Variants in ANGPT1 observed in about 807,000 individuals in gnomAD.
ANGPT1 encodes angiopoietin-1.
A neutral mutation model predicts 62.2 loss-of-function variants in ANGPT1; 17 were observed. The ratio of observed to expected loss-of-function variants is 0.27; its 90% confidence interval spans 0.19 to 0.41. The LOEUF (loss-of-function observed/expected upper bound fraction) is 0.41. Ranked by LOEUF, ANGPT1 falls within the 10% of genes least tolerant of loss-of-function variation. ANGPT1 has a pLI of 1.00. For synonymous variants in ANGPT1, 199 were observed against 198.9 expected (o/e 1.00, Z 0.00); for missense variants, 478 against 594.9 (o/e 0.80, Z 2.04).
intron 1 of ANGPT1, among the ~76,000 whole-genome samples, chr8:107,372,150 G>A (rs1467393691): frequency 2.0e-5 from 3 of 147,426 alleles, no homozygotes; most frequent in East Asian, 2.1e-4. Flanking sequence ...GTTTCATTGT[G>A]TGTGCATGTT....
chr8:107,307,480 G>T (rs1814746183), intron 4 of ANGPT1, among the ~76,000 whole-genome samples: 1 of 151,892 alleles, frequency 6.6e-6, no homozygotes, highest in Admixed American at 6.6e-5. Context: ...CTTTATAAAT[G>T]ACCTTTATGG....
intron 1 of ANGPT1, among the ~76,000 whole-genome samples, chr8:107,385,456 C>T (rs1816714927): frequency 6.6e-6 from 1 of 151,984 alleles, no homozygotes; most frequent in Non-Finnish European, 1.5e-5. Flanking sequence ...TATACAAATG[C>T]TATTGATTTT....
chr8:107,300,989 C>T (rs1010787472), intron 5 of ANGPT1, among the ~76,000 whole-genome samples: 1 of 151,722 alleles, frequency 6.6e-6, no homozygotes, highest in African/African-American at 2.4e-5. Context: ...TTCACATTAC[C>T]AGGCGCAGTG....
chr8:107,427,768 A>G (rs1363514741), intron 1 of ANGPT1, among the ~76,000 whole-genome samples: 6 of 152,156 alleles, frequency 3.9e-5, no homozygotes, highest in Admixed American at 3.9e-4. Context: ...GGTAAGACCA[A>G]GTTCCTGTGC....
At chr8:107,258,928 T>A (rs762937024) in intron 8 of ANGPT1, among the ~76,000 whole-genome samples, 12 of 152,150 alleles carry the variant, frequency 7.9e-5, no homozygotes, top group Non-Finnish European at 1.8e-4. Context: ...CCTTTCAGAG[T>A]CTCTGCTAAC....
At chr8:107,307,277 C>A (rs1261492322) in intron 4 of ANGPT1, among the ~76,000 whole-genome samples, 1 of 152,006 alleles carries the variant, frequency 6.6e-6, no homozygotes, top group African/African-American at 2.4e-5. Context: ...GTCTCTCCAC[C>A]CATTGTCCTT....
chr8:107,309,706 GAAA>G (rs908217598), intron 4 of ANGPT1, among the ~76,000 whole-genome samples: 1 of 152,116 alleles, frequency 6.6e-6, no homozygotes, highest in Non-Finnish European at 1.5e-5. Flanking sequence ...CTTATAAATG[GAAA>G]ATGTTGAGGT....
At chr8:107,395,339 G>C (rs181197947) in intron 1 of ANGPT1, among the ~76,000 whole-genome samples, 1 of 152,128 alleles carries the variant, frequency 6.6e-6, no homozygotes, top group East Asian at 1.9e-4. Context: ...GGATCAAGTC[G>C]AGGTATTTAT....
chr8:107,479,650 G>C (rs1406799922), intron 1 of ANGPT1, among the ~76,000 whole-genome samples: 1 of 152,120 alleles, frequency 6.6e-6, no homozygotes, highest in Non-Finnish European at 1.5e-5. Flanking sequence ...AAACATGACA[G>C]GTTAAGTAGC....
Position 107,277,246 on chromosome 8 carries a change from C to A in ANGPT1, c.1205+7436G>T, listed in dbSNP as rs185432092. On this transcript the variant is annotated intron_variant, in intron 7 of 8. Transcript: ENST00000517746. Reference sequence around the variant, plus strand: ...CAACAAAATAATGAACTGTAAGGAACAAACTGTTCCCAAGATCTGAAAATA... The same window carrying A: ...CAACAAAATAATGAACTGTAAGGAAAAAACTGTTCCCAAGATCTGAAAATA... Among the ~76,000 whole-genome samples, 1,109 of 152,114 alleles carry A rather than the reference C, an allele frequency of 7.3e-3. 14 individuals carry two copies. The highest frequency in any genetic ancestry group is 0.025 in the African/African-American group (1,022 of 41,502).
intron 1 of ANGPT1, among the ~76,000 whole-genome samples, chr8:107,411,073 C>T (rs1395086530): frequency 2.0e-5 from 3 of 152,094 alleles, no homozygotes; most frequent in African/African-American, 7.2e-5. Context: ...CTTTGATTGA[C>T]CTTTTTAACA....
chr8:107,309,146 T>G (rs1314433696), intron 4 of ANGPT1, among the ~76,000 whole-genome samples: 2 of 152,194 alleles, frequency 1.3e-5, no homozygotes, highest in Non-Finnish European at 2.9e-5. Flanking sequence ...TTCTGATGAG[T>G]TGCTATAAAG....
At chr8:107,481,548 A>AG (rs1812686765) in intron 1 of ANGPT1, among the ~76,000 whole-genome samples, 1 of 142,230 alleles carries the variant, frequency 7.0e-6, no homozygotes, top group Admixed American at 7.1e-5. Flanking sequence ...AAAAAAAAAA[A>AG]AAAAAAAAGG....
In ANGPT1 at chr8:107,294,088, C is replaced by T. The variant is rs551263932; in HGVS notation, c.937-51G>A. 1.9e-4 allele frequency: 275 copies of T among 1,448,682 alleles called. No homozygotes were observed. In the South Asian group the frequency reaches 3.1e-3, roughly 16 times the overall value. The allele number at this position is 1,448,682 out of a possible 1,614,324, so 89.7% of individuals were successfully genotyped here. On this transcript the variant is annotated intron_variant, in intron 5 of 8. Transcript: ENST00000517746. ...TAAAAAATACTTCTACTTTAAAAAA[C>T]ATATATCCTACATGTTTCAAAATAG...
chr8:107,311,170 T>G (rs886524450), intron 4 of ANGPT1, among the ~76,000 whole-genome samples: 1 of 150,152 alleles, frequency 6.7e-6, no homozygotes, highest in Non-Finnish European at 1.5e-5. Context: ...TACGTGTGTA[T>G]GTGTGTGAGG....
Position 107,468,789 on chromosome 8 carries a change from A to G in ANGPT1, c.297+28473T>C, listed in dbSNP as rs114904986. Among the ~76,000 whole-genome samples the G allele has an allele frequency of 6.8e-3, 1,035 of 152,176 alleles. 12 individuals carry two copies. Among genetic ancestry groups the G allele is most frequent in the African/African-American group, 0.024 (999 of 41,558 alleles). On this transcript the variant is annotated intron_variant, in intron 1 of 8. Coordinates refer to ENST00000517746, the MANE Select transcript of ANGPT1 (RefSeq NM_001146.5). Reference sequence around the variant, plus strand: ...GAGGGAATCCTCCTGATTGAGATCAAATCACATAGAGTTCACAAGAGAAAG... The same window carrying G: ...GAGGGAATCCTCCTGATTGAGATCAGATCACATAGAGTTCACAAGAGAAAG...
chr8:107,427,418 G>C (rs972716294), intron 1 of ANGPT1, among the ~76,000 whole-genome samples: 3 of 152,098 alleles, frequency 2.0e-5, no homozygotes, highest in African/African-American at 7.2e-5. Context: ...GCTGTTTCCT[G>C]AACCTCATCT....
At chr8:107,410,779 T>C (rs1586299402) in intron 1 of ANGPT1, among the ~76,000 whole-genome samples, 1 of 152,194 alleles carries the variant, frequency 6.6e-6, no homozygotes, top group East Asian at 1.9e-4. Context: ...TATTTAACTA[T>C]TACCCATTAA....
chr8:107,381,270 A>G (rs1208602583), intron 1 of ANGPT1, among the ~76,000 whole-genome samples: 1 of 152,194 alleles, frequency 6.6e-6, no homozygotes, highest in Admixed American at 6.5e-5. Flanking sequence ...AAATGCTCAA[A>G]GGGGAAAAAC....
Sources: allele counts gnomAD v4.1 joint callset (sites outside exome capture counted in the v4.1 genomes callset), GRCh38; gene constraint gnomAD v4.1.1; transcripts MANE v1.5; gene names NCBI Gene and HGNC (gene_info 2026-07-23, HGNC 2026-07-21).